Variants in CADM3 observed in about 807,000 individuals in gnomAD.
CADM3 encodes cell adhesion molecule 3, also known as TSLC1-like 1.
CADM3 carries 11 observed loss-of-function variants against 44.9 expected under a neutral mutation model. The ratio of observed to expected loss-of-function variants is 0.25; its 90% CI spans 0.15 to 0.41. The LOEUF (loss-of-function observed/expected upper bound fraction) is 0.41. Ranked by LOEUF, CADM3 falls within the 10% of genes least tolerant of loss-of-function variation. The pLI is 1.00. For missense variants in CADM3, 426 were observed against 512.0 expected (o/e 0.83, Z 1.62); for synonymous variants, 207 against 205.2 (o/e 1.01, Z -0.08).
intron 7 of CADM3, among the ~76,000 whole-genome samples, chr1:159,198,804 T>G (rs578009645): frequency 6.6e-6 from 1 of 152,280 alleles, no homozygotes; most frequent in East Asian, 1.9e-4. Flanking sequence ...CAGTCTGTGC[T>G]GTTGATCCTC....
At chr1:159,196,662 C>T (rs1557938507) in intron 6 of CADM3, 1 of 634,430 alleles carries the variant, frequency 1.6e-6, no homozygotes, top group East Asian at 2.7e-5. Context: ...CCCTGAGTTT[C>T]CCACAAAGGC....
chr1:159,196,757 G>A lies in CADM3; in HGVS notation c.783-134G>A, dbSNP rs1278115393. The stretch of plus-strand genomic sequence containing the variant: ...GGCCACCTGGCGTATAGCAGCTCCA[G>A]TGTCTCTGGCCCCGATAATTTCTCC... On this transcript the variant is annotated intron_variant, in intron 6 of 8. Transcript: ENST00000368125. 4 of 883,050 alleles carry A rather than the reference G, an allele frequency of 4.5e-6. No individual in the cohort carries two copies. The African/African-American group carries it at 6.8e-5, about 15-fold the overall frequency. 54.7% of individuals were successfully genotyped at this position (883,050 alleles called of 1,614,324 possible). A position where few individuals can be genotyped will look rare whatever the true frequency, so the allele number is the denominator to read the frequency against.
chr1:159,187,368 A>ATTT (rs1649457440), intron 1 of CADM3, among the ~76,000 whole-genome samples: 1 of 152,202 alleles, frequency 6.6e-6, no homozygotes, highest in Non-Finnish European at 1.5e-5. Flanking sequence ...ATCACACTGG[A>ATTT]ATGCCATAAG....
rs2102081968 is a variant in CADM3, at chr1:159,171,669, C to T, written c.-97C>T. Reference sequence around the variant, plus strand: ...GGGCTCCGAAGCGGCTCGGGGGCGCCCTTTCGGTCAACATCGTAGTCCACC... The same window carrying T: ...GGGCTCCGAAGCGGCTCGGGGGCGCTCTTTCGGTCAACATCGTAGTCCACC... On this transcript the variant is annotated 5_prime_UTR_variant, in exon 1 of 9. Transcript: ENST00000368125. The T allele has an allele frequency of 5.3e-6, 5 of 948,118 alleles. No individual in the cohort carries two copies. The East Asian group carries it at 1.3e-4, about 25-fold the overall frequency. 58.7% of individuals were successfully genotyped at this position (948,118 alleles called of 1,614,324 possible). A position where few individuals can be genotyped will look rare whatever the true frequency, so the allele number is the denominator to read the frequency against.
chr1:159,173,303 AGCCAGGGT>A (rs1648892456), intron 1 of CADM3, among the ~76,000 whole-genome samples: 1 of 152,064 alleles, frequency 6.6e-6, no homozygotes, highest in African/African-American at 2.4e-5. Context: ...ACAGGCGAAG[AGCCAGGGT>A]GCTGGAGGAA....
intron 1 of CADM3, among the ~76,000 whole-genome samples, chr1:159,183,909 C>T (rs1025116787): frequency 1.3e-5 from 2 of 152,294 alleles, no homozygotes; most frequent in South Asian, 2.1e-4. Flanking sequence ...GATGTGACAT[C>T]GCTGCTGGCT....
chr1:159,175,322 T>C (rs535886625), intron 1 of CADM3, among the ~76,000 whole-genome samples: 1 of 152,232 alleles, frequency 6.6e-6, no homozygotes, highest in African/African-American at 2.4e-5. Context: ...CAGAGTTTAG[T>C]TAATTCCATG....
intron 1 of CADM3, among the ~76,000 whole-genome samples, chr1:159,186,350 G>A (rs1480165163): frequency 1.3e-5 from 2 of 152,116 alleles, no homozygotes; most frequent in East Asian, 1.9e-4. Flanking sequence ...GAATATGACC[G>A]ATATGACTGA....
chr1:159,199,542 TATTC>T (rs1650062120), intron 7 of CADM3, among the ~76,000 whole-genome samples: 1 of 152,202 alleles, frequency 6.6e-6, no homozygotes, highest in African/African-American at 2.4e-5. Context: ...CAGATTTATT[TATTC>T]ATTAATCCAT....
chr1:159,200,303 T>G (rs1300462511), intron 8 of CADM3, among the ~76,000 whole-genome samples: 3 of 152,134 alleles, frequency 2.0e-5, no homozygotes, highest in Non-Finnish European at 1.5e-5. Context: ...TTCTACCTTC[T>G]CTCTTATATC....
intron 1 of CADM3, among the ~76,000 whole-genome samples, chr1:159,187,514 C>T (rs530001042): frequency 6.6e-6 from 1 of 152,192 alleles, no homozygotes; most frequent in East Asian, 1.9e-4. Context: ...CTGCCTATCT[C>T]TTGAGTTTGT....
At chr1:159,183,455 G>C (rs898318255) in intron 1 of CADM3, among the ~76,000 whole-genome samples, 23 of 152,148 alleles carry the variant, frequency 1.5e-4, no homozygotes, top group African/African-American at 5.1e-4. Flanking sequence ...AAACAAGGAG[G>C]AGCAAGGTCT....
In CADM3 at chr1:159,200,806, A is replaced by T; in HGVS notation, c.1081A>T (p.Thr361Ser). Residue 361 changes from threonine to serine, a missense_variant and splice_region_variant, in exon 9 of 9, where the codon ACC becomes TCC. Physicochemically the swap from Thr to Ser is moderately conservative, Grantham distance 58. Transcript: ENST00000368125. ...GAGAAGCCTCTGTCTCTACACAGGA[A>T]CCTACCTGACACATGAGGCAAAAGG... ...LGHYLIRHKG[T>S]YLTHEAKGSD... 1 of 1,600,886 alleles carries T rather than the reference A, an allele frequency of 6.2e-7. No homozygotes were observed. The highest frequency in any genetic ancestry group is 8.5e-7 in the Non-Finnish European group (1 of 1,173,522).
At chr1:159,191,836 G>T in intron 1 of CADM3, 100 bp from the exon 2 acceptor site, 1 of 1,408,278 alleles carries the variant, frequency 7.1e-7, no homozygotes. Context: ...GTGTACACAA[G>T]GGCCTTGGAT....
Position 159,200,951 on chromosome 1 carries a change from A to T in CADM3, c.*29A>T. The T allele has an allele frequency of 6.5e-7, 1 of 1,541,990 alleles. No homozygotes were observed. Among genetic ancestry groups the T allele is most frequent in the Non-Finnish European group, 8.8e-7 (1 of 1,134,782 alleles). On this transcript the variant is annotated 3_prime_UTR_variant, in exon 9 of 9. Transcript: ENST00000368125. ...CGCCTGCCCACTTCCTGCGCCCCCC[A>T]GGGGCCCTGTGGGGACTGCTGGGGC...
At chr1:159,175,313 A>C (rs968101769) in intron 1 of CADM3, among the ~76,000 whole-genome samples, 1 of 152,258 alleles carries the variant, frequency 6.6e-6, no homozygotes, top group Non-Finnish European at 1.5e-5. Flanking sequence ...CTTGCATAGC[A>C]GAGTTTAGTT....
intron 1 of CADM3, among the ~76,000 whole-genome samples, chr1:159,182,135 A>G (rs755499838): frequency 2.8e-4 from 42 of 151,736 alleles, no homozygotes; most frequent in Non-Finnish European, 4.4e-4. Flanking sequence ...TTTAGCTCCA[A>G]AGGGCATGGC....
At chr1:159,174,298 A>G (rs905654829) in intron 1 of CADM3, among the ~76,000 whole-genome samples, 1 of 152,236 alleles carries the variant, frequency 6.6e-6, no homozygotes, top group Non-Finnish European at 1.5e-5. Flanking sequence ...GTAAATGCAT[A>G]GATTTAATGC....
intron 1 of CADM3, among the ~76,000 whole-genome samples, chr1:159,173,895 ACACTC>A (rs1182355407): frequency 2.0e-5 from 3 of 152,192 alleles, no homozygotes; most frequent in Non-Finnish European, 2.9e-5. Flanking sequence ...TTCACCAACT[ACACTC>A]TTCTTTCTTG....
Sources: gnomAD v4.1 joint callset for allele counts (sites outside exome capture counted in the v4.1 genomes callset) on GRCh38, gnomAD v4.1.1 for gene constraint, MANE v1.5 for transcripts, NCBI Gene and HGNC (gene_info 2026-07-23, HGNC 2026-07-21) for gene names.